The following C10orf90 variants were observed in gnomAD, a reference collection of about 807,000 sequenced individuals.
The protein encoded by C10orf90 is (E2-independent) E3 ubiquitin-conjugating enzyme FATS.
C10orf90 carries 56 observed loss-of-function variants against 62.5 expected under a neutral mutation model. The ratio of observed to expected loss-of-function variants is 0.90; its 90% CI spans 0.72 to 1.12. The LOEUF is 1.12. Among genes scored for constraint, C10orf90 ranks in the 50% most tolerant of loss-of-function variants. The pLI is 0.00. For missense variants in C10orf90, 970 were observed against 880.4 expected (o/e 1.10, Z -1.29); for synonymous variants, 386 against 340.4 (o/e 1.13, Z -1.47).
At chr10:126,443,180 G>A (rs1352385194) in intron 7 of C10orf90, among the ~76,000 whole-genome samples, 4 of 151,920 alleles carry the variant, frequency 2.6e-5, no homozygotes, top group African/African-American at 9.7e-5. Context: ...AACTAAATGA[G>A]ATTGAAACAC....
chr10:126,519,999 T>G (rs915245290), intron 2 of C10orf90: 1 of 152,304 alleles, frequency 6.6e-6, no homozygotes, highest in Non-Finnish European at 1.5e-5. Context: ...TTCTTCCTCC[T>G]GTGTCATCGC....
chr10:126,640,815 G>A (rs1367975411), intron 2 of C10orf90, among the ~76,000 whole-genome samples: 3 of 152,340 alleles, frequency 2.0e-5, no homozygotes, highest in Non-Finnish European at 2.9e-5. Flanking sequence ...AGACTCTGAG[G>A]GGGAAAGGCA....
chr10:126,524,025 T>C (rs1863858375), intron 2 of C10orf90, among the ~76,000 whole-genome samples: 1 of 152,224 alleles, frequency 6.6e-6, no homozygotes, highest in Non-Finnish European at 1.5e-5. Context: ...GCAATGAACA[T>C]GGTTGTACAA....
chr10:126,629,903 A>T (rs1245241196), intron 2 of C10orf90, among the ~76,000 whole-genome samples: 1 of 152,220 alleles, frequency 6.6e-6, no homozygotes, highest in Non-Finnish European at 1.5e-5. Context: ...TGGGGTCTCC[A>T]GACCCCAATG....
At chr10:126,631,905 G>C (rs1435861869) in intron 2 of C10orf90, among the ~76,000 whole-genome samples, 1 of 152,044 alleles carries the variant, frequency 6.6e-6, no homozygotes, top group Non-Finnish European at 1.5e-5. Flanking sequence ...GCTAAGAGCA[G>C]ATGGGGCAGG....
At chr10:126,626,744 T>C (rs1422767254) in intron 2 of C10orf90, among the ~76,000 whole-genome samples, 1 of 152,218 alleles carries the variant, frequency 6.6e-6, no homozygotes, top group Non-Finnish European at 1.5e-5. Flanking sequence ...CAATGGCTGC[T>C]GCTGGCAATA....
At chr10:126,457,198 AGGC>A (rs951039322) in intron 7 of C10orf90, among the ~76,000 whole-genome samples, 8 of 152,300 alleles carry the variant, frequency 5.3e-5, no homozygotes, top group African/African-American at 1.7e-4. Context: ...CATGTTGCCC[AGGC>A]TGGTCTTGAA....
intron 3 of C10orf90, among the ~76,000 whole-genome samples, chr10:126,510,915 A>T (rs1181907250): frequency 7.2e-5 from 11 of 152,202 alleles, no homozygotes; most frequent in Admixed American, 7.2e-4. Flanking sequence ...TTCCTGTAGC[A>T]ATTTATTTCT....
In C10orf90 at chr10:126,504,348, T is replaced by C; in HGVS notation, c.1143A>G (p.Lys381=). 1 of 1,614,116 alleles carries C rather than the reference T, an allele frequency of 6.2e-7. No individual in the cohort carries two copies. The highest frequency in any genetic ancestry group is 1.6e-4 in the Middle Eastern group (1 of 6,062). ...TGAGCGACAGGACGGATCTGTGCAT[T>C]TTGGGGCTGGCAATTTGAGGTGGCT... is the stretch of plus-strand genomic sequence containing the variant. ...PIEPPQIASP[K]MHRSVLSLNL... The change falls in exon 4 of 10, where the codon AAA becomes AAG. Residue 381 remains lysine (K), a synonymous_variant. Transcript: ENST00000488181. This position sits in a 1 kb window ranked among gnomAD's most constrained non-coding sequence, Gnocchi z 4.1.
At chr10:126,443,683 A>C (rs1341249808) in intron 7 of C10orf90, among the ~76,000 whole-genome samples, 1 of 152,154 alleles carries the variant, frequency 6.6e-6, no homozygotes, top group Non-Finnish European at 1.5e-5. Flanking sequence ...TGAAGCCAGC[A>C]TCACCTTAAT....
At chr10:126,596,917 G>C (rs186835379) in intron 2 of C10orf90, among the ~76,000 whole-genome samples, 3 of 152,220 alleles carry the variant, frequency 2.0e-5, no homozygotes, top group Admixed American at 2.0e-4. Context: ...ACTTCATAAA[G>C]ACATACAAAT....
chr10:126,622,148 T>C (rs1422405383), intron 2 of C10orf90, among the ~76,000 whole-genome samples: 1 of 152,184 alleles, frequency 6.6e-6, no homozygotes, highest in Non-Finnish European at 1.5e-5. Context: ...TTCGTTCTTA[T>C]GCGACTCCCA....
chr10:126,510,653 A>AT (rs1190515675), intron 3 of C10orf90, among the ~76,000 whole-genome samples: 5 of 152,108 alleles, frequency 3.3e-5, no homozygotes, highest in Non-Finnish European at 7.3e-5. Context: ...CACATAACAC[A>AT]TTTTTTTACA....
intron 2 of C10orf90, among the ~76,000 whole-genome samples, chr10:126,516,745 G>A (rs548034702): frequency 2.0e-5 from 3 of 152,294 alleles, no homozygotes; most frequent in African/African-American, 7.2e-5. Flanking sequence ...AATGTGGTAT[G>A]CTCCAGTTCT....
intron 2 of C10orf90, among the ~76,000 whole-genome samples, chr10:126,578,839 A>G (rs1012198992): frequency 6.6e-6 from 1 of 152,180 alleles, no homozygotes; most frequent in Non-Finnish European, 1.5e-5. Flanking sequence ...AAAAAAACAC[A>G]TATTGCATGA....
At chr10:126,525,473 G>A (rs111459767) in intron 2 of C10orf90, among the ~76,000 whole-genome samples, 249 of 152,302 alleles carry the variant, frequency 1.6e-3, no homozygotes, top group South Asian at 4.6e-3. Flanking sequence ...TGAATTGGCC[G>A]GAGCAGAATG....
chr10:126,549,812 G>A (rs1247164123), intron 2 of C10orf90, among the ~76,000 whole-genome samples: 1 of 151,474 alleles, frequency 6.6e-6, no homozygotes, highest in Non-Finnish European at 1.5e-5. Flanking sequence ...AAACAAACTG[G>A]TGCATCCATA....
At chr10:126,638,010 T>C (rs552783144) in intron 2 of C10orf90, among the ~76,000 whole-genome samples, 1 of 152,222 alleles carries the variant, frequency 6.6e-6, no homozygotes, top group Admixed American at 6.5e-5. Context: ...GACTTACTCA[T>C]GGTTGGACAT....
chr10:126,531,765 AAAG>A (rs1255539638), intron 2 of C10orf90, among the ~76,000 whole-genome samples: 1 of 152,236 alleles, frequency 6.6e-6, no homozygotes, highest in East Asian at 1.9e-4. Flanking sequence ...TATAAAAGAA[AAAG>A]AAGGTAAATT....
Sources: allele counts gnomAD v4.1 joint callset (sites outside exome capture counted in the v4.1 genomes callset), GRCh38; gene constraint gnomAD v4.1.1; non-coding constraint Gnocchi (gnomAD v3.1); transcripts MANE v1.5; gene names NCBI Gene and HGNC (gene_info 2026-07-23, HGNC 2026-07-21).